The following CHD3 variants were observed in gnomAD, a reference collection of about 807,000 sequenced individuals.
The protein encoded by CHD3 is ATP-dependent chromatin remodeler CHD3.
In CHD3, 52 loss-of-function variants were observed where a neutral mutation model predicts 248.9. That is an observed-to-expected ratio of 0.21 (90% CI 0.17 to 0.26). The LOEUF is 0.26. Among genes scored for constraint, CHD3 ranks in the 10% least tolerant of loss-of-function variants. The pLI is 1.00. For missense variants in CHD3, 1,482 were observed against 2,605.8 expected (o/e 0.57, Z 9.39); for synonymous variants, 985 against 985.2 (o/e 1.00, Z 0.00).
Position 7,910,423 on chromosome 17 carries a change from C to G in CHD3, c.5591-5C>G, listed in dbSNP as rs749885293. The G allele has an allele frequency of 6.2e-7, 1 of 1,614,074 alleles. No homozygotes were observed. The highest frequency in any genetic ancestry group is 2.2e-5 in the East Asian group (1 of 44,878). On this transcript the variant is annotated splice_polypyrimidine_tract_variant and splice_region_variant and intron_variant, in intron 37 of 39. Transcript: ENST00000330494. The surrounding 1 kb of genome is among the most constrained non-coding windows in gnomAD (Gnocchi z 4.7). ...GCCCTTCTTTCTCTGTGGCCCGGGCCCCAGTTCTGAACCAGCTGGAGGAGT... is the reference window on the plus strand; with the variant it reads ...GCCCTTCTTTCTCTGTGGCCCGGGCGCCAGTTCTGAACCAGCTGGAGGAGT...
rs1970949407 is a variant in CHD3 at position 7,906,345 on chromosome 17, C to T, written c.4359-208C>T. ...GGGCCCAGGAATTAAGTACCAAGGC[C>T]AAAGGGAAAGACCCAGGGGTGGGGC... is the stretch of plus-strand genomic sequence containing the variant. On this transcript the variant is annotated intron_variant, in intron 28 of 39. Coordinates refer to ENST00000330494, the MANE Select transcript of CHD3 (RefSeq NM_001005273.3). The surrounding 1 kb of genome is among the most constrained non-coding windows in gnomAD (Gnocchi z 5.0). The T allele has an allele frequency of 1.5e-6, 1 of 679,726 alleles. No homozygotes were observed. Among genetic ancestry groups the T allele is most frequent in the African/African-American group, 1.8e-5 (1 of 56,070 alleles). 42.1% of individuals were successfully genotyped at this position (679,726 alleles called of 1,614,324 possible).
chr17:7,896,803 C>G (rs374056403), intron 10 of CHD3, among the ~76,000 whole-genome samples: 2 of 152,016 alleles, frequency 1.3e-5, no homozygotes, highest in African/African-American at 4.8e-5. Flanking sequence ...GGATTACAGG[C>G]GTGCGCCACC....
rs1451437628 is a variant in CHD3 at position 7,893,469 on chromosome 17, C to A, written c.693C>A (p.Ala231=). The A allele has an allele frequency of 1.2e-5, 20 of 1,603,880 alleles. No individual in the cohort carries two copies. Among genetic ancestry groups the A allele is most frequent in the Non-Finnish European group, 1.7e-5 (20 of 1,174,304 alleles). ...AEQVSAAVSS[A]TPIAPSGPPA... is the part of the protein sequence containing the mutation. ...AGGTGTCAGCTGCTGTCTCGTCGGC[C>A]ACCCCCATAGCACCCTCCGGACCCC... The change falls in exon 5 of 40, where the codon GCC becomes GCA. Residue 231 remains alanine (A), a synonymous_variant. Transcript: ENST00000330494.
Position 7,904,363 on chromosome 17 carries a change from C to A in CHD3, c.3895-79C>A. 3 of 1,375,528 alleles carry A rather than the reference C, an allele frequency of 2.2e-6. No homozygotes were observed. Among genetic ancestry groups the A allele is most frequent in the Non-Finnish European group, 2.0e-6 (2 of 986,508 alleles). The allele number at this position is 1,375,528 out of a possible 1,614,324, so 85.2% of individuals were successfully genotyped here. A position where few individuals can be genotyped will look rare whatever the true frequency, so the allele number is the denominator to read the frequency against. On this transcript the variant is annotated intron_variant, in intron 24 of 39. Coordinates refer to ENST00000330494, the MANE Select transcript of CHD3 (RefSeq NM_001005273.3). The surrounding 1 kb of genome is among the most constrained non-coding windows in gnomAD (Gnocchi z 4.4). ...GGGAGACCGGATTGGGCTGACGCAG[C>A]AGAGTAGGGATTTCCTTGCAGTGGA...
chr17:7,885,945 G>A (rs1967868134), upstream of CHD3, among the ~76,000 whole-genome samples: 3 of 152,314 alleles, frequency 2.0e-5, 1 homozygote, highest in South Asian at 6.2e-4. Context: ...GAGTGTCTGG[G>A]GAACCAGATA....
intron 20 of CHD3, among the ~76,000 whole-genome samples, chr17:7,902,327 C>T (rs1021077521): frequency 6.6e-6 from 1 of 151,794 alleles, no homozygotes; most frequent in South Asian, 2.1e-4. Flanking sequence ...GAGGCTGAGG[C>T]GGTAGGATCA....
chr17:7,900,994 G>A lies in CHD3; in HGVS notation c.3120+1G>A. Reference sequence around the variant, plus strand: ...ATACCTTTTTCCCGTGGCTGCTATGGTAGATACACAGAGCAGGGAGCTGAT... The same window carrying A: ...ATACCTTTTTCCCGTGGCTGCTATGATAGATACACAGAGCAGGGAGCTGAT... On this transcript the variant is annotated splice_donor_variant, in intron 19 of 39. Transcript: ENST00000330494. LOFTEE classifies it high-confidence loss of function. The surrounding 1 kb of genome is among the most constrained non-coding windows in gnomAD (Gnocchi z 6.5). 6.2e-7 allele frequency: 1 copy of A among 1,613,700 alleles called. No homozygotes were observed. The highest frequency in any genetic ancestry group is 8.5e-7 in the Non-Finnish European group (1 of 1,179,782).
rs201739166 is a variant in CHD3 at position 7,895,451 on chromosome 17, C to G, written c.1616C>G (p.Pro539Arg). The G allele has an allele frequency of 9.3e-5, 150 of 1,614,160 alleles. 1 individual carries two copies. In the East Asian group the frequency reaches 2.6e-3, roughly 28 times the overall value. ...GATGGAAATCCAGATGTCCCACCCCCCCGTCCTCTTCAAGGCAGATCAGAG... is the reference window on the plus strand; with the variant it reads ...GATGGAAATCCAGATGTCCCACCCCGCCGTCCTCTTCAAGGCAGATCAGAG... ...QADGNPDVPP[P>R]RPLQGRSERE... The change falls in exon 10 of 40, where the codon CCC becomes CGC. Residue 539 changes from proline (P) to arginine (R), a missense_variant. Pro to Arg is a moderately radical substitution (Grantham distance 103). Transcript: ENST00000330494. This position sits in a 1 kb window ranked among gnomAD's most constrained non-coding sequence, Gnocchi z 4.9.
Position 7,890,972 on chromosome 17 carries a change from T to G in CHD3, c.417T>G (p.Leu139=). 1 of 1,614,100 alleles carries G rather than the reference T, an allele frequency of 6.2e-7. No homozygotes were observed. Among genetic ancestry groups the G allele is most frequent in the Non-Finnish European group, 8.5e-7 (1 of 1,180,010 alleles). The change falls in exon 4 of 40, where the codon CTT becomes CTG. Residue 139 remains leucine (L), a synonymous_variant. Coordinates refer to ENST00000330494, the MANE Select transcript of CHD3 (RefSeq NM_001005273.3). ...AACAGAAGTCATCAGCAACTCTGCT[T>G]CTGACCTGGGGCCTGGAGGATGTGG... ...QVEQKSSATL[L]LTWGLEDVEH...
chr17:7,904,583 C>A lies in CHD3; in HGVS notation c.4036C>A (p.Gln1346Lys). ...NLGKGKRVRK[Q>K]VNYNDAAQED... Reference sequence around the variant, plus strand: ...AGGCAAGGGCAAGCGGGTTCGCAAGCAAGTTAACTACAATGATGCTGCTCA... The same window carrying A: ...AGGCAAGGGCAAGCGGGTTCGCAAGAAAGTTAACTACAATGATGCTGCTCA... The change falls in exon 25 of 40, where the codon CAA becomes AAA. Residue 1346 changes from glutamine (Q) to lysine (K), a missense_variant. Physicochemically the swap from Gln to Lys is moderately conservative, Grantham distance 53. This residue lies in a region of CHD3 where 156 missense variants were observed against 420.3 expected (regional missense o/e 0.37). Coordinates refer to ENST00000330494, the MANE Select transcript of CHD3 (RefSeq NM_001005273.3). This position sits in a 1 kb window ranked among gnomAD's most constrained non-coding sequence, Gnocchi z 4.4. 6.2e-7 allele frequency: 1 copy of A among 1,614,062 alleles called. No individual in the cohort carries two copies.
rs900106939 is a variant in CHD3, at chr17:7,908,591, C to T, written c.5261+81C>T. The T allele has an allele frequency of 6.2e-5, 99 of 1,584,056 alleles. No homozygotes were observed. Among genetic ancestry groups the T allele is most frequent in the Middle Eastern group, 1.7e-4 (1 of 6,016 alleles). On this transcript the variant is annotated intron_variant, in intron 35 of 39. Coordinates refer to ENST00000330494, the MANE Select transcript of CHD3 (RefSeq NM_001005273.3). This position sits in a 1 kb window ranked among gnomAD's most constrained non-coding sequence, Gnocchi z 5.8. ...AAAAAGATGATTTCACACCCAGGGA[C>T]AGGGCTAGTGCCACACTTTGGGGAG...
chr17:7,890,914 A>G, intron 3 of CHD3, 26 bp from the exon 4 acceptor site: 1 of 1,613,542 alleles, frequency 6.2e-7, no homozygotes, highest in South Asian at 1.1e-5. Context: ...AGGAGCACCT[A>G]CTTCACCAAA....
At position 7,904,427 on chromosome 17, in the gene CHD3, T is replaced by C. The variant is rs777999827; in HGVS notation, c.3895-15T>C. On this transcript the variant is annotated splice_polypyrimidine_tract_variant and intron_variant, in intron 24 of 39. Transcript: ENST00000330494. The surrounding 1 kb of genome is among the most constrained non-coding windows in gnomAD (Gnocchi z 4.4). ...AAGGAGACCCCCAGTGTTCATTCAT[T>C]CTGTTGCCCTTCAGATTGAGGAAAT... 1 of 1,607,750 alleles carries C rather than the reference T, an allele frequency of 6.2e-7. No homozygotes were observed. Among genetic ancestry groups the C allele is most frequent in the South Asian group, 1.1e-5 (1 of 90,788 alleles).
At position 7,906,583 on chromosome 17, in the gene CHD3, G is replaced by T. The variant is rs568783199; in HGVS notation, c.4389G>T (p.Leu1463=). 3 of 1,613,970 alleles carry T rather than the reference G, an allele frequency of 1.9e-6. No homozygotes were observed. Among genetic ancestry groups the T allele is most frequent in the Non-Finnish European group, 2.5e-6 (3 of 1,179,956 alleles). ...KAYVSLFMRH[L]CEPGADGSET... ...ATGTGTCTTTGTTCATGCGCCATCT[G>T]TGTGAGCCTGGGGCAGACGGCTCTG... is the stretch of plus-strand genomic sequence containing the variant. Residue 1463 remains leucine (L), a synonymous_variant, in exon 29 of 40, where the codon CTG becomes CTT. Transcript: ENST00000330494. The surrounding 1 kb of genome is among the most constrained non-coding windows in gnomAD (Gnocchi z 5.0).
At position 7,903,151 on chromosome 17, in the gene CHD3, A is replaced by C; in HGVS notation, c.3495+90A>C. 2 of 1,574,596 alleles carry C rather than the reference A, an allele frequency of 1.3e-6. No individual in the cohort carries two copies. Among genetic ancestry groups the C allele is most frequent in the African/African-American group, 1.3e-5 (1 of 74,100 alleles). On this transcript the variant is annotated intron_variant, in intron 22 of 39. Coordinates refer to ENST00000330494, the MANE Select transcript of CHD3 (RefSeq NM_001005273.3). The surrounding 1 kb of genome is among the most constrained non-coding windows in gnomAD (Gnocchi z 6.8). Reference sequence around the variant, plus strand: ...GTGTCATGTTCCGGGGTCAGAAATAAATCTCTTCTGGGAGGAGAGAAGGCC... The same window carrying C: ...GTGTCATGTTCCGGGGTCAGAAATACATCTCTTCTGGGAGGAGAGAAGGCC...
intron 20 of CHD3, 75 bp from the exon 21 acceptor site, chr17:7,902,535 G>A: frequency 1.1e-6 from 1 of 934,934 alleles, no homozygotes; most frequent in South Asian, 1.4e-5. Context: ...TTGAGTTTGT[G>A]TAAAGGAGTA....
chr17:7,900,813 T>C lies in CHD3; in HGVS notation c.2979-39T>C. On this transcript the variant is annotated intron_variant, in intron 18 of 39. Coordinates refer to ENST00000330494, the MANE Select transcript of CHD3 (RefSeq NM_001005273.3). This position sits in a 1 kb window ranked among gnomAD's most constrained non-coding sequence, Gnocchi z 6.5. ...AAGTGCAATATCATAATTGCTTCCT[T>C]TATTTATGTTTCTTTTACACCCCTT... 1.2e-6 allele frequency: 2 copies of C among 1,611,672 alleles called. No individual in the cohort carries two copies. The highest frequency in any genetic ancestry group is 1.7e-6 in the Non-Finnish European group (2 of 1,178,338).
chr17:7,912,434 C>T lies in CHD3; in HGVS notation c.*849C>T, dbSNP rs766766793. The T allele has an allele frequency of 2.0e-5, 3 of 152,178 alleles. No homozygotes were observed. Among genetic ancestry groups the T allele is most frequent in the Non-Finnish European group, 2.9e-5 (2 of 68,166 alleles). The allele number at this position is 152,178 out of a possible 1,614,324, so 9.4% of individuals were successfully genotyped here. On this transcript the variant is annotated 3_prime_UTR_variant, in exon 40 of 40. Transcript: ENST00000330494. ...AGGTTCCTGGAAGACTTCTACTACC[C>T]TCCCTCCTCAAGGCCTGGATACAGA...
intron 4 of CHD3, among the ~76,000 whole-genome samples, 177 bp from the exon 5 acceptor site, chr17:7,893,109 C>T (rs528360894): frequency 3.5e-4 from 53 of 152,050 alleles, no homozygotes; most frequent in Non-Finnish European, 6.9e-4. Context: ...CCTGTTCTTT[C>T]CCCGCTTTTT....
Sources: allele counts gnomAD v4.1 joint callset (sites outside exome capture counted in the v4.1 genomes callset), GRCh38; gene constraint gnomAD v4.1.1; regional missense constraint gnomAD v4.1.1; non-coding constraint Gnocchi (gnomAD v3.1); transcripts MANE v1.5; gene names NCBI Gene and HGNC (gene_info 2026-07-23, HGNC 2026-07-21).